Variants in ATRX observed in about 807,000 individuals in gnomAD.
ATRX encodes the protein ATRX chromatin remodeler, also known as chromatin remodeler ATRX.
ATRX carries 12 observed loss-of-function variants against 172.6 expected under a neutral mutation model. The ratio of observed to expected loss-of-function variants is 0.07; its 90% CI spans 0.04 to 0.11. The LOEUF (loss-of-function observed/expected upper bound fraction) is 0.11. Among genes scored for constraint, ATRX ranks in the 10% least tolerant of loss-of-function variants. The pLI is 1.00. For missense variants in ATRX, 1,368 were observed against 1,767.4 expected, an observed-to-expected ratio of 0.77 and a Z score of 4.05; for synonymous variants, 674 against 594.7, an observed-to-expected ratio of 1.13 and a Z score of -1.94.
intron 28 of ATRX, 56 bp from the exon 29 acceptor site, chrX:77,558,902 T>A (rs2147951290): frequency 1.0e-6 from 1 of 972,638 alleles, no homozygotes; most frequent in Non-Finnish European, 1.4e-6. Flanking sequence ...ACAAATATTT[T>A]AATTACAATA....
At chrX:77,701,857 G>A (rs926283556) in intron 2 of ATRX, among the ~76,000 whole-genome samples, 1 of 111,458 alleles carries the variant, frequency 9.0e-6, no homozygotes. Context: ...CCCGAGGTCC[G>A]GAGTTCAAGA....
At chrX:77,565,864 A>T (rs1395867696) in intron 28 of ATRX, among the ~76,000 whole-genome samples, 1 of 110,760 alleles carries the variant, frequency 9.0e-6, no homozygotes, top group Non-Finnish European at 1.9e-5. Context: ...AAAAAAAAAA[A>T]AAATTAGAAC....
At chrX:77,518,559 T>C (rs1422217206) in intron 34 of ATRX, among the ~76,000 whole-genome samples, 1 of 111,819 alleles carries the variant, frequency 8.9e-6, no homozygotes, top group African/African-American at 3.3e-5. Flanking sequence ...TAAATTAATA[T>C]TGTTAAAATG....
chrX:77,772,411 T>C (rs1184713789), intron 1 of ATRX, among the ~76,000 whole-genome samples: 1 of 104,782 alleles, frequency 9.5e-6, no homozygotes, highest in African/African-American at 3.5e-5. Context: ...GCAGAAGGAT[T>C]GCTTGAGGCC....
At chrX:77,524,184 TAC>T (rs1277114454) in intron 30 of ATRX, among the ~76,000 whole-genome samples, 1 of 111,917 alleles carries the variant, frequency 8.9e-6, no homozygotes, top group African/African-American at 3.2e-5. Flanking sequence ...TAAAGTGAAT[TAC>T]AGATATGTTA....
Position 77,583,274 on chromosome X carries a change from A to G in ATRX, c.6217+6560T>C, listed in dbSNP as rs1029240153. Among the ~76,000 whole-genome samples, 6 of 111,692 alleles carry G rather than the reference A, an allele frequency of 5.4e-5. No individual in the cohort carries two copies. In the South Asian group the frequency reaches 1.5e-3, roughly 28 times the overall value. ...TGTGGTGGCTCACGTCTGTAATCCCAGCTCTCTGGAAGGCCGAGGCAGGTG... is the reference window on the plus strand; with the variant it reads ...TGTGGTGGCTCACGTCTGTAATCCCGGCTCTCTGGAAGGCCGAGGCAGGTG... On this transcript the variant is annotated intron_variant, in intron 27 of 34. Transcript: ENST00000373344.
At chrX:77,680,750 A>G (rs190997508) in intron 9 of ATRX, among the ~76,000 whole-genome samples, 8 of 111,771 alleles carry the variant, frequency 7.2e-5, no homozygotes, top group African/African-American at 2.3e-4. Flanking sequence ...ACTGACTAAA[A>G]AAAAAGACAA....
intron 25 of ATRX, chrX:77,596,333 C>T (rs1363063575): frequency 9.0e-6 from 1 of 110,960 alleles, no homozygotes; most frequent in East Asian, 2.8e-4. Context: ...CTTATATTTA[C>T]TGTAAGAAAG....
At chrX:77,766,405 G>C (rs1355638468) in intron 1 of ATRX, among the ~76,000 whole-genome samples, 4 of 110,164 alleles carry the variant, frequency 3.6e-5, no homozygotes, top group African/African-American at 1.3e-4. Context: ...CGGGGCAGAG[G>C]GGCTCCTCAC....
chrX:77,581,526 A>G (rs2065823706), intron 27 of ATRX, among the ~76,000 whole-genome samples: 1 of 112,039 alleles, frequency 8.9e-6, no homozygotes, highest in South Asian at 3.7e-4. Context: ...AATTTAAAAT[A>G]TATATGCACT....
intron 1 of ATRX, among the ~76,000 whole-genome samples, chrX:77,737,087 G>A (rs782109949): frequency 9.2e-6 from 1 of 109,047 alleles, no homozygotes; most frequent in East Asian, 2.9e-4. Flanking sequence ...ATGTGGTGAC[G>A]TTTAATGGGT....
chrX:77,668,832 T>A, intron 10 of ATRX, among the ~76,000 whole-genome samples: 1 of 90,724 alleles, frequency 1.1e-5, no homozygotes, highest in African/African-American at 4.2e-5. Flanking sequence ...AAACAAGCAA[T>A]CGGGGAAAAA....
chrX:77,617,053 G>A (rs192755512), intron 21 of ATRX, among the ~76,000 whole-genome samples: 3 of 111,134 alleles, frequency 2.7e-5, no homozygotes, highest in African/African-American at 9.8e-5. Context: ...AATAACAAAA[G>A]GTATGGAGGG....
At chrX:77,587,574 C>T (rs2066074705) in intron 27 of ATRX, among the ~76,000 whole-genome samples, 1 of 111,719 alleles carries the variant, frequency 9.0e-6, no homozygotes, top group Admixed American at 9.5e-5. Flanking sequence ...CAGCTCTTGC[C>T]ACTTTCACTC....
chrX:77,658,536 T>C (rs2069679482), intron 12 of ATRX, among the ~76,000 whole-genome samples: 1 of 112,355 alleles, frequency 8.9e-6, no homozygotes, highest in Admixed American at 9.4e-5. Flanking sequence ...ATAAGATCTA[T>C]AGTTTACTTC....
At chrX:77,777,214 A>C (rs888581230) in intron 1 of ATRX, among the ~76,000 whole-genome samples, 2 of 101,497 alleles carry the variant, frequency 2.0e-5, no homozygotes, top group African/African-American at 7.5e-5. Flanking sequence ...AAAAAAAAAA[A>C]AAAAAAAAAT....
chrX:77,692,846 A>AGTGT (rs3063059), intron 6 of ATRX, among the ~76,000 whole-genome samples: 7,978 of 81,825 alleles, frequency 0.098, 338 homozygotes, highest in East Asian at 0.13. Flanking sequence ...CCAATATTAG[A>AGTGT]GTGTGTGTGT....
intron 1 of ATRX, among the ~76,000 whole-genome samples, chrX:77,767,527 C>G (rs1394568614): frequency 9.1e-6 from 1 of 109,870 alleles, no homozygotes; most frequent in African/African-American, 3.3e-5. Flanking sequence ...TCCCAAGTAG[C>G]TGGAATTATA....
At chrX:77,518,360 A>T (rs968697220) in intron 34 of ATRX, among the ~76,000 whole-genome samples, 16 of 112,286 alleles carry the variant, frequency 1.4e-4, no homozygotes, top group African/African-American at 4.5e-4. Flanking sequence ...AAATGCCAGC[A>T]GTGAATAATC....
Sources: gnomAD v4.1 joint callset for allele counts (sites outside exome capture counted in the v4.1 genomes callset) on GRCh38, gnomAD v4.1.1 for gene constraint, MANE v1.5 for transcripts, NCBI Gene and HGNC (gene_info 2026-07-23, HGNC 2026-07-21) for gene names.